ENOX2: variants seen among roughly 807,000 people sequenced by gnomAD.
The protein encoded by ENOX2 is ecto-NOX disulfide-thiol exchanger 2, also known as APK1 antigen.
A neutral mutation model predicts 45.0 loss-of-function variants in ENOX2; 36 were observed. That is an observed-to-expected ratio of 0.80 (90% CI 0.61 to 1.06). The LOEUF (loss-of-function observed/expected upper bound fraction) is 1.06. ENOX2 is among the 50% of genes least tolerant of loss of function. ENOX2 has a pLI of 0.00. For synonymous variants in ENOX2, 174 were observed against 152.3 expected, an observed-to-expected ratio of 1.14 and a Z score of -1.05; for missense variants, 423 against 462.5, an observed-to-expected ratio of 0.91 and a Z score of 0.78.
rs1338084551 is a variant in ENOX2, at chrX:130,857,096, T to G, written c.-183+44588A>C. Among the ~76,000 whole-genome samples the G allele has an allele frequency of 5.3e-5, 6 of 112,174 alleles. No homozygotes were observed. The Admixed American group carries it at 5.7e-4, about 11-fold the overall frequency. On this transcript the variant is annotated intron_variant, in intron 2 of 14. Transcript: ENST00000394363. ...GGTAAATGGATAAGCCAACTGTAGTTAATTCATATAATGGCACATTACTCA... is the reference window on the plus strand; with the variant it reads ...GGTAAATGGATAAGCCAACTGTAGTGAATTCATATAATGGCACATTACTCA...
rs775700720 is a variant in ENOX2, at chrX:130,700,654, T to C, written c.97+2466A>G. Reference sequence around the variant, plus strand: ...TACTTCCTCTACATCAAAGAGCATATAGTACTGCTAAGAGTAGTAATAATG... The same window carrying C: ...TACTTCCTCTACATCAAAGAGCATACAGTACTGCTAAGAGTAGTAATAATG... On this transcript the variant is annotated intron_variant, in intron 4 of 14. Coordinates refer to ENST00000394363, the MANE Select transcript of ENOX2 (RefSeq NM_006375.4). Among the ~76,000 whole-genome samples, 68 of 112,130 alleles carry C rather than the reference T, an allele frequency of 6.1e-4. 1 individual carries two copies. Among genetic ancestry groups the C allele is most frequent in the Non-Finnish European group, 2.1e-4 (11 of 53,150 alleles).
intron 2 of ENOX2, among the ~76,000 whole-genome samples, chrX:130,859,608 A>T (rs1464795360): frequency 8.9e-6 from 1 of 112,060 alleles, no homozygotes; most frequent in Admixed American, 9.4e-5. Flanking sequence ...AAAGCCATGG[A>T]AGACAAAAGC....
intron 3 of ENOX2, among the ~76,000 whole-genome samples, chrX:130,757,367 G>C (rs1463464324): frequency 8.9e-6 from 1 of 112,134 alleles, no homozygotes; most frequent in Non-Finnish European, 1.9e-5. Context: ...CAGATTCATA[G>C]AATTTACACA....
chrX:130,665,615 G>A, intron 9 of ENOX2, 28 bp downstream of exon 9: 2 of 1,053,181 alleles, frequency 1.9e-6, no homozygotes, highest in Non-Finnish European at 2.6e-6. Context: ...GTCCCCCCAA[G>A]GGGCTACCAG....
At chrX:130,894,883 T>C (rs760462153) in intron 2 of ENOX2, among the ~76,000 whole-genome samples, 1 of 112,117 alleles carries the variant, frequency 8.9e-6, no homozygotes, top group Non-Finnish European at 1.9e-5. Context: ...ATGGTCCCTC[T>C]GCCTGGAATC....
At chrX:130,841,179 G>A (rs1428946549) in intron 2 of ENOX2, among the ~76,000 whole-genome samples, 2 of 111,655 alleles carry the variant, frequency 1.8e-5, no homozygotes, top group African/African-American at 6.5e-5. Context: ...TTTGCAGGGT[G>A]GGAGTTACTG....
chrX:130,708,233 T>C (rs2038090364), intron 3 of ENOX2, among the ~76,000 whole-genome samples: 1 of 112,036 alleles, frequency 8.9e-6, no homozygotes, highest in Non-Finnish European at 1.9e-5. Flanking sequence ...CTGGCTCATA[T>C]TGAGCGCTCA....
At chrX:130,869,879 G>GGCA (rs201659601) in intron 2 of ENOX2, among the ~76,000 whole-genome samples, 3,621 of 112,042 alleles carry the variant, frequency 0.032, 61 homozygotes, top group Non-Finnish European at 0.052. Flanking sequence ...AACAGAAATA[G>GGCA]GCACCTGCCT....
chrX:130,865,164 T>G (rs1171948921), intron 2 of ENOX2, among the ~76,000 whole-genome samples: 1 of 111,395 alleles, frequency 9.0e-6, no homozygotes. Context: ...ATGACTGTGA[T>G]TATAACTATT....
chrX:130,683,588 A>G (rs1185801619), intron 5 of ENOX2, among the ~76,000 whole-genome samples: 1 of 111,279 alleles, frequency 9.0e-6, no homozygotes, highest in African/African-American at 3.3e-5. Context: ...TTCCCTGTTC[A>G]CTGTTATTTC....
In ENOX2 at chrX:130,727,830, G is replaced by C. The variant is rs185559448; in HGVS notation, c.-38-24576C>G. Among the ~76,000 whole-genome samples the C allele has an allele frequency of 2.1e-4, 23 of 111,842 alleles. No individual in the cohort carries two copies. The East Asian group carries it at 6.2e-3, about 30-fold the overall frequency. On this transcript the variant is annotated intron_variant, in intron 3 of 14. Coordinates refer to ENST00000394363, the MANE Select transcript of ENOX2 (RefSeq NM_006375.4). The stretch of plus-strand genomic sequence containing the variant: ...TCATCTCCAAATTATAAGAGGAAGA[G>C]AGATCACTCAGAATACGAGCTAGGG...
At chrX:130,668,132 G>A (rs1256067695) in intron 7 of ENOX2, among the ~76,000 whole-genome samples, 1 of 110,141 alleles carries the variant, frequency 9.1e-6, no homozygotes, top group Non-Finnish European at 1.9e-5. Flanking sequence ...GAGACAGAGA[G>A]ACAGAAAAAA....
chrX:130,745,583 C>T (rs1365538803), intron 3 of ENOX2, among the ~76,000 whole-genome samples: 1 of 112,024 alleles, frequency 8.9e-6, no homozygotes, highest in Non-Finnish European at 1.9e-5. Flanking sequence ...AAAAGTGCTC[C>T]TCTTCTTTCC....
chrX:130,808,788 T>C (rs1288021386), intron 2 of ENOX2, among the ~76,000 whole-genome samples: 1 of 111,975 alleles, frequency 8.9e-6, no homozygotes, highest in African/African-American at 3.2e-5. Context: ...CCTTAATTTA[T>C]GTTCTCCAAG....
At chrX:130,672,735 T>G (rs1273250727) in intron 6 of ENOX2, among the ~76,000 whole-genome samples, 1 of 111,911 alleles carries the variant, frequency 8.9e-6, no homozygotes, top group East Asian at 2.8e-4. Context: ...AGGAGAGGGT[T>G]GTGACAGAGA....
chrX:130,840,522 A>AAAAAAAAT (rs577876578), intron 2 of ENOX2, among the ~76,000 whole-genome samples: 1 of 103,213 alleles, frequency 9.7e-6, no homozygotes, highest in African/African-American at 3.7e-5. Flanking sequence ...TCTCTTTTAA[A>AAAAAAAAT]AAATAAATAA....
intron 2 of ENOX2, among the ~76,000 whole-genome samples, chrX:130,811,090 C>T (rs1335450006): frequency 8.9e-6 from 1 of 112,108 alleles, no homozygotes; most frequent in African/African-American, 3.2e-5. Context: ...CCCCTGCAGA[C>T]TCAGGCTCTA....
intron 2 of ENOX2, among the ~76,000 whole-genome samples, chrX:130,843,672 T>C (rs2078051299): frequency 9.0e-6 from 1 of 111,716 alleles, no homozygotes; most frequent in Non-Finnish European, 1.9e-5. Flanking sequence ...AAAACTATTT[T>C]TCAGTTCTAG....
At chrX:130,737,484 T>C (rs1342513080) in intron 3 of ENOX2, among the ~76,000 whole-genome samples, 1 of 111,808 alleles carries the variant, frequency 8.9e-6, no homozygotes, top group East Asian at 2.8e-4. Context: ...ACACACAACT[T>C]ACTTCTGAAA....
Sources: gnomAD v4.1 joint callset for allele counts (sites outside exome capture counted in the v4.1 genomes callset) on GRCh38, gnomAD v4.1.1 for gene constraint, MANE v1.5 for transcripts, NCBI Gene and HGNC (gene_info 2026-07-23, HGNC 2026-07-21) for gene names.